NDRG4: variants seen among roughly 807,000 people sequenced by gnomAD.
NDRG4 encodes NDRG family member 4.
In NDRG4, 38 loss-of-function variants were observed where a neutral mutation model predicts 55.8. The observed-to-expected ratio is 0.68, with a 90% CI of 0.53 to 0.89. The LOEUF (loss-of-function observed/expected upper bound fraction) is 0.89, where lower values mean the gene tolerates loss of function less well. Ranked by LOEUF, NDRG4 falls within the 40% of genes least tolerant of loss-of-function variation. NDRG4 has a pLI of 0.00. For missense variants in NDRG4, 455 were observed against 468.6 expected (o/e 0.97, Z 0.27); for synonymous variants, 190 against 182.7 (o/e 1.04, Z -0.32).
rs1228320295 is a variant in NDRG4, at chr16:58,495,068, C to T, written c.117+60C>T. The T allele has an allele frequency of 3.2e-6, 5 of 1,558,042 alleles. No individual in the cohort carries two copies. The Admixed American group carries it at 5.2e-5, about 16-fold the overall frequency. On this transcript the variant is annotated intron_variant, in intron 3 of 15. Coordinates refer to the NDRG4 transcript ENST00000258187. ...TGACAGCTGGCAGCCCCTCACCCCA[C>T]CTGGCCAGGTCCCAGAGGAGGGTCA...
At chr16:58,503,756 C>T (rs544829573) in intron 1 of NDRG4, 42 bp from the exon 2 acceptor site, 38 of 1,612,044 alleles carry the variant, frequency 2.4e-5, no homozygotes, top group Admixed American at 1.3e-4. Context: ...GAGCCAAGAG[C>T]GGAGGCTGCC....
At chr16:58,473,477 T>C (rs969330245) in intron 1 of NDRG4, among the ~76,000 whole-genome samples, 1 of 152,150 alleles carries the variant, frequency 6.6e-6, no homozygotes, top group Admixed American at 6.5e-5. Context: ...GCACAAACTC[T>C]TACATCCACC....
At chr16:58,487,067 AG>A (rs1406960504) in intron 1 of NDRG4, among the ~76,000 whole-genome samples, 2 of 151,102 alleles carry the variant, frequency 1.3e-5, no homozygotes, top group Non-Finnish European at 2.9e-5. Flanking sequence ...TTCAGACACC[AG>A]AGGCCCTCGG....
intron 1 of NDRG4, among the ~76,000 whole-genome samples, chr16:58,485,542 A>T (rs1363344374): frequency 9.9e-5 from 15 of 152,060 alleles, no homozygotes; most frequent in Non-Finnish European, 1.5e-5. Flanking sequence ...AGGTGGCTAA[A>T]ATGTCCTGAT....
At chr16:58,506,129 AGAGC>A (rs1449928902) in intron 5 of NDRG4, 5 of 503,672 alleles carry the variant, frequency 9.9e-6, no homozygotes, top group African/African-American at 5.5e-5. Context: ...TTCTGTTGAA[AGAGC>A]GTGTGTGTGT....
intron 5 of NDRG4, 48 bp from the exon 6 acceptor site, chr16:58,506,339 C>G (rs759685434): frequency 4.5e-6 from 7 of 1,566,176 alleles, no homozygotes; most frequent in Non-Finnish European, 6.2e-6. Flanking sequence ...TTTCTGCCAT[C>G]TGCACCCATC....
At chr16:58,497,698 G>A (rs1054220290), upstream of NDRG4, among the ~76,000 whole-genome samples, 2 of 152,142 alleles carry the variant, frequency 1.3e-5, no homozygotes, top group Admixed American at 6.5e-5. Flanking sequence ...TGGCACCAGG[G>A]TTTGGCTGGC....
chr16:58,466,912 T>G (rs2031798260), intron 1 of NDRG4, among the ~76,000 whole-genome samples: 1 of 152,170 alleles, frequency 6.6e-6, no homozygotes, highest in South Asian at 2.1e-4. Flanking sequence ...TGGGCACCTC[T>G]TGGGCCCCAC....
At chr16:58,495,209 A>G (rs1222946020), upstream of NDRG4, among the ~76,000 whole-genome samples, 1 of 152,182 alleles carries the variant, frequency 6.6e-6, no homozygotes, top group East Asian at 1.9e-4. Flanking sequence ...TGAGAATGGA[A>G]AAGAGAGTGA....
At chr16:58,494,070 T>C (rs1337794119) in intron 2 of NDRG4, among the ~76,000 whole-genome samples, 4 of 152,160 alleles carry the variant, frequency 2.6e-5, no homozygotes, top group Non-Finnish European at 5.9e-5. Flanking sequence ...TCTCCCCTCA[T>C]CGGTGAAGCC....
chr16:58,475,942 G>T (rs2033563369), intron 1 of NDRG4, among the ~76,000 whole-genome samples: 1 of 152,174 alleles, frequency 6.6e-6, no homozygotes, highest in Admixed American at 6.5e-5. Flanking sequence ...GGTTACAGGT[G>T]CTGGCCACCA....
At chr16:58,509,939 GACAC>G (rs3048060) in intron 13 of NDRG4, among the ~76,000 whole-genome samples, 5 of 149,844 alleles carry the variant, frequency 3.3e-5, no homozygotes, top group African/African-American at 7.4e-5. Context: ...CACACACACA[GACAC>G]ACACACACAC....
At chr16:58,514,045 C>T (rs145296445), downstream of NDRG4, among the ~76,000 whole-genome samples, 23 of 152,328 alleles carry the variant, frequency 1.5e-4, no homozygotes, top group East Asian at 4.4e-3. Context: ...AAATCTCTTG[C>T]CTGAGTCACT....
chr16:58,503,978 C>A lies in NDRG4; in HGVS notation c.127+75C>A, dbSNP rs778349954. 3 of 1,565,934 alleles carry A rather than the reference C, an allele frequency of 1.9e-6. No homozygotes were observed. In the South Asian group the frequency reaches 3.3e-5, roughly 17 times the overall value. On this transcript the variant is annotated intron_variant, in intron 2 of 14. Transcript: ENST00000570248. ...GAGCGGTGAGGCCCCCCACCCTCCC[C>A]ACAGGGCCCTGTCAGCCCCACTCAC...
chr16:58,471,966 C>A (rs1205386283), intron 1 of NDRG4, among the ~76,000 whole-genome samples: 1 of 152,120 alleles, frequency 6.6e-6, no homozygotes, highest in Non-Finnish European at 1.5e-5. Flanking sequence ...TAGGATCATA[C>A]CCTGTGCACC....
At chr16:58,484,081 C>T (rs1242947781) in intron 1 of NDRG4, among the ~76,000 whole-genome samples, 5 of 151,588 alleles carry the variant, frequency 3.3e-5, no homozygotes, top group Non-Finnish European at 7.4e-5. Context: ...TTTGTTTTGA[C>T]CAAGACCCTG....
intron 2 of NDRG4, among the ~76,000 whole-genome samples, chr16:58,490,359 G>A (rs940926580): frequency 6.6e-6 from 1 of 152,150 alleles, no homozygotes; most frequent in Non-Finnish European, 1.5e-5. Context: ...TCTTGGCCTG[G>A]TAACTTCCAT....
intron 1 of NDRG4, chr16:58,502,039 T>A (rs763165293): frequency 2.2e-6 from 1 of 455,852 alleles, no homozygotes; most frequent in South Asian, 1.5e-5. Flanking sequence ...AGGAGCTCCC[T>A]CGGGTGGAAC....
At position 58,491,630 on chromosome 16, in the gene NDRG4, T is replaced by A. The variant is rs1247552825; in HGVS notation, c.73-3334T>A. ...CATGAGCCACCACACCCGGCTAATTTTGTATTTTTAGTAGAGATGGAGTTT... is the reference window on the plus strand; with the variant it reads ...CATGAGCCACCACACCCGGCTAATTATGTATTTTTAGTAGAGATGGAGTTT... On this transcript the variant is annotated intron_variant, in intron 2 of 15. Transcript: ENST00000258187. Among the ~76,000 whole-genome samples, 3 of 150,606 alleles carry A rather than the reference T, an allele frequency of 2.0e-5. No homozygotes were observed. In the East Asian group the frequency reaches 6.0e-4, roughly 30 times the overall value.
Sources: gnomAD v4.1 joint callset for allele counts (sites outside exome capture counted in the v4.1 genomes callset) on GRCh38, gnomAD v4.1.1 for gene constraint, MANE v1.5 for transcripts, NCBI Gene and HGNC (gene_info 2026-07-23, HGNC 2026-07-21) for gene names.